The following OR1J2 variants were observed in gnomAD, a reference collection of about 807,000 sequenced individuals.
OR1J2 encodes olfactory receptor 1J2.
For missense variants in OR1J2, 304 were observed against 246.1 expected, an observed-to-expected ratio of 1.24 and a Z score of -1.57; for synonymous variants, 142 against 99.7, an observed-to-expected ratio of 1.42 and a Z score of -2.52.
the OR1J2 span, among the ~76,000 whole-genome samples, chr9:122,492,155 C>G: frequency 6.6e-6 from 1 of 152,044 alleles, no homozygotes; most frequent in African/African-American, 2.4e-5. Flanking sequence ...CCTCCTCCCT[C>G]CCTCCCTTCT....
the OR1J2 span, among the ~76,000 whole-genome samples, chr9:122,533,002 G>T: frequency 2.6e-5 from 4 of 151,762 alleles, no homozygotes; most frequent in Non-Finnish European, 5.9e-5. Flanking sequence ...GTCTGTGAAG[G>T]CTTGCGGCAG....
chr9:122,567,837 C>A, the OR1J2 span: 17 of 1,613,892 alleles, frequency 1.1e-5, no homozygotes, highest in Admixed American at 1.7e-5. Context: ...GAAAGCAATG[C>A]AGAGAAAACG....
chr9:122,567,619 G>A, the OR1J2 span: 5 of 1,613,694 alleles, frequency 3.1e-6, no homozygotes, highest in Middle Eastern at 1.7e-4. Context: ...TAGATAAAAG[G>A]ATTGAGCATG....
upstream of OR1J2, among the ~76,000 whole-genome samples, chr9:122,508,059 T>C (rs1828559853): frequency 6.6e-6 from 1 of 151,100 alleles, no homozygotes; most frequent in South Asian, 2.1e-4. Context: ...GCTTTTTCTC[T>C]AGTCTCACAT....
chr9:122,477,912 G>A, the OR1J2 span: 1 of 1,600,252 alleles, frequency 6.2e-7, no homozygotes. Flanking sequence ...CGCTGCTCTG[G>A]TTCTCAGGGC....
chr9:122,508,417 C>A (rs145117748), upstream of OR1J2, among the ~76,000 whole-genome samples: 5 of 152,150 alleles, frequency 3.3e-5, no homozygotes, highest in Non-Finnish European at 7.4e-5. Flanking sequence ...TTGCTCTAGG[C>A]CAGAAGCTCA....
chr9:122,486,434 C>G, the OR1J2 span, among the ~76,000 whole-genome samples: 1 of 152,138 alleles, frequency 6.6e-6, no homozygotes, highest in South Asian at 2.1e-4. Flanking sequence ...AATATATCTT[C>G]AAATAGGACA....
chr9:122,579,385 A>AC, the OR1J2 span, among the ~76,000 whole-genome samples: 471 of 152,288 alleles, frequency 3.1e-3, 5 homozygotes, highest in African/African-American at 0.011. Flanking sequence ...TTAAGGTAAT[A>AC]CCTATCCCTT....
chr9:122,478,745 G>C, the OR1J2 span, among the ~76,000 whole-genome samples: 1 of 152,076 alleles, frequency 6.6e-6, no homozygotes, highest in African/African-American at 2.4e-5. Context: ...CTTTCTTATG[G>C]TTTCAGATCC....
At position 122,511,017 on chromosome 9, in the gene OR1J2, C is replaced by A; in HGVS notation, c.216C>A (p.Ser72=). 1 of 1,593,240 alleles carries A rather than the reference C, an allele frequency of 6.3e-7. No homozygotes were observed. The highest frequency in any genetic ancestry group is 2.2e-5 in the East Asian group (1 of 44,788). ...GCCACTTGGCTCTCACTGACATCTC[C>A]TTTTCATCTGTCACTGTCCCTAAGA... is the stretch of plus-strand genomic sequence containing the variant. The part of the protein sequence containing the change: ...FLSHLALTDI[S]FSSVTVPKML... The change falls in exon 1 of 1, where the codon TCC becomes TCA. Residue 72 remains serine (S), a synonymous_variant. Transcript: ENST00000335302.
chr9:122,537,155 A>G, the OR1J2 span, among the ~76,000 whole-genome samples: 1 of 152,184 alleles, frequency 6.6e-6, no homozygotes, highest in South Asian at 2.1e-4. Flanking sequence ...AACACTAAAC[A>G]TTTCACATGA....
At chr9:122,576,070 T>C in the OR1J2 span, among the ~76,000 whole-genome samples, 2 of 152,242 alleles carry the variant, frequency 1.3e-5, no homozygotes, top group Non-Finnish European at 2.9e-5. Context: ...AAGATCTACT[T>C]CTTTAAGTCT....
the OR1J2 span, among the ~76,000 whole-genome samples, chr9:122,498,260 G>T: frequency 1.3e-5 from 2 of 152,022 alleles, no homozygotes; most frequent in African/African-American, 4.8e-5. Context: ...TCTTCCTCAA[G>T]GATGCCAATA....
the OR1J2 span, among the ~76,000 whole-genome samples, chr9:122,493,544 AATAGCTCCCATTTCATTTCTAATTGAGCT>A: frequency 6.6e-6 from 1 of 152,128 alleles, no homozygotes; most frequent in African/African-American, 2.4e-5. Context: ...TATCAGTGGT[AATAGCTCCCATTTCATTTCTAATTGAGCT>A]TATTTGGATC....
the OR1J2 span, among the ~76,000 whole-genome samples, chr9:122,525,320 GA>G: frequency 2.6e-5 from 4 of 152,120 alleles, no homozygotes; most frequent in African/African-American, 9.7e-5. Flanking sequence ...AGTATTCATT[GA>G]AAAAGTGCAG....
the OR1J2 span, chr9:122,526,859 C>A: frequency 6.2e-7 from 1 of 1,614,108 alleles, no homozygotes. Context: ...GGACCCAGCA[C>A]AATGCAAGCA....
the OR1J2 span, among the ~76,000 whole-genome samples, chr9:122,554,389 A>G: frequency 6.6e-6 from 1 of 152,160 alleles, no homozygotes; most frequent in African/African-American, 2.4e-5. Flanking sequence ...CATTACTAAC[A>G]GCAAAACTAC....
the OR1J2 span, among the ~76,000 whole-genome samples, chr9:122,574,811 T>A: frequency 2.0e-5 from 3 of 152,100 alleles, no homozygotes; most frequent in Non-Finnish European, 4.4e-5. Context: ...TCATGTATAA[T>A]GTTAGTTGTA....
At chr9:122,548,198 A>G in the OR1J2 span, among the ~76,000 whole-genome samples, 1 of 152,238 alleles carries the variant, frequency 6.6e-6, no homozygotes, top group Non-Finnish European at 1.5e-5. Flanking sequence ...GAACACTTAC[A>G]TACTGAATTA....
Sources: allele counts gnomAD v4.1 joint callset (sites outside exome capture counted in the v4.1 genomes callset), GRCh38; gene constraint gnomAD v4.1.1; transcripts MANE v1.5; gene names NCBI Gene and HGNC (gene_info 2026-07-23, HGNC 2026-07-21).